Variants in DCAF6 observed in about 807,000 individuals in gnomAD.
The protein encoded by DCAF6 is DDB1 and CUL4 associated factor 6.
In DCAF6, 54 loss-of-function variants were observed where a neutral mutation model predicts 125.1. That is an observed-to-expected ratio of 0.43 (90% CI 0.35 to 0.54). The LOEUF is 0.54. Among genes scored for constraint, DCAF6 ranks in the 20% least tolerant of loss-of-function variants. The probability of loss-of-function intolerance (pLI) is 0.01; values close to 1 mark genes in which losing one functional copy is unlikely to be tolerated. For synonymous variants in DCAF6, 371 were observed against 390.4 expected (o/e 0.95, Z 0.58); for missense variants, 934 against 1,161.7 (o/e 0.80, Z 2.85).
intron 13 of DCAF6, among the ~76,000 whole-genome samples, chr1:168,040,178 A>C (rs904529600): frequency 1.3e-5 from 2 of 151,984 alleles, no homozygotes; most frequent in Non-Finnish European, 2.9e-5. Context: ...ATTTATATCT[A>C]GGGGAAGAGC....
At chr1:167,927,690 G>T in the DCAF6 span, among the ~76,000 whole-genome samples, 2 of 147,378 alleles carry the variant, frequency 1.4e-5, no homozygotes, top group African/African-American at 2.6e-5. Context: ...GTTAATAGTC[G>T]ATCTTTTCAG....
At chr1:168,063,105 G>T (rs1017114505) in intron 17 of DCAF6, among the ~76,000 whole-genome samples, 1 of 151,686 alleles carries the variant, frequency 6.6e-6, no homozygotes, top group African/African-American at 2.4e-5. Context: ...TAGAGATGGG[G>T]TTTCATTATT....
At chr1:167,894,767 T>G in the DCAF6 span, among the ~76,000 whole-genome samples, 1 of 152,082 alleles carries the variant, frequency 6.6e-6, no homozygotes, top group Non-Finnish European at 1.5e-5. Context: ...ATCCCCAGAT[T>G]TGTAGGTAGT....
intron 7 of DCAF6, among the ~76,000 whole-genome samples, chr1:167,999,951 A>G (rs761631491): frequency 3.3e-5 from 5 of 152,156 alleles, no homozygotes; most frequent in African/African-American, 4.8e-5. Flanking sequence ...CAAGAGGCCT[A>G]GCTTTTGGCC....
At chr1:168,039,920 G>T (rs912344154) in intron 13 of DCAF6, among the ~76,000 whole-genome samples, 1 of 151,504 alleles carries the variant, frequency 6.6e-6, no homozygotes, top group Non-Finnish European at 1.5e-5. Flanking sequence ...TCTATGTTCC[G>T]GGGACTATTC....
chr1:167,948,178 C>G (rs1210344978), intron 1 of DCAF6, among the ~76,000 whole-genome samples: 8 of 147,316 alleles, frequency 5.4e-5, no homozygotes, highest in Non-Finnish European at 9.0e-5. Flanking sequence ...TTTTCTCTTG[C>G]CATTTTTAGG....
chr1:168,033,060 A>T (rs1006556780), intron 12 of DCAF6, among the ~76,000 whole-genome samples: 14 of 152,030 alleles, frequency 9.2e-5, no homozygotes, highest in African/African-American at 3.1e-4. Flanking sequence ...GTCTTTGAGC[A>T]TCTTTTAGAA....
chr1:167,969,057 T>C (rs1676900970), intron 3 of DCAF6: 1 of 152,172 alleles, frequency 6.6e-6, no homozygotes, highest in African/African-American at 2.4e-5. Context: ...TTGGTTTTTT[T>C]TTACCATTCT....
At chr1:167,919,295 C>G in the DCAF6 span, among the ~76,000 whole-genome samples, 1 of 152,158 alleles carries the variant, frequency 6.6e-6, no homozygotes, top group Non-Finnish European at 1.5e-5. Flanking sequence ...TCTACCATAC[C>G]TTGGGCTTCA....
chr1:168,046,463 G>C lies in DCAF6; in HGVS notation c.2258+1236G>C, dbSNP rs76803782. ...GAACTGCCTTTTCTTAACTATGAAAGGGTATGTTTCTTTCTTTAGTCATAT... is the reference window on the plus strand; with the variant it reads ...GAACTGCCTTTTCTTAACTATGAAACGGTATGTTTCTTTCTTTAGTCATAT... On this transcript the variant is annotated intron_variant, in intron 16 of 21. Transcript: ENST00000367840. 4.8e-3 allele frequency among the ~76,000 whole-genome samples: 734 copies of C among 152,234 alleles called. 7 individuals are homozygous for C. Among genetic ancestry groups the C allele is most frequent in the African/African-American group, 0.017 (704 of 41,564 alleles).
intron 17 of DCAF6, among the ~76,000 whole-genome samples, chr1:168,054,562 C>T (rs1234530466): frequency 6.6e-6 from 1 of 152,134 alleles, no homozygotes; most frequent in Non-Finnish European, 1.5e-5. Flanking sequence ...TTACTATAAA[C>T]CAAGTGTGTG....
intron 11 of DCAF6, among the ~76,000 whole-genome samples, chr1:168,020,505 TG>T (rs1685544328): frequency 6.6e-6 from 1 of 152,188 alleles, no homozygotes; most frequent in Admixed American, 6.5e-5. Context: ...AGTGAGCTTT[TG>T]CTTAAAGTGT....
At chr1:167,883,149 T>C in the DCAF6 span, among the ~76,000 whole-genome samples, 4 of 152,258 alleles carry the variant, frequency 2.6e-5, no homozygotes, top group African/African-American at 9.6e-5. Context: ...GCCATTGTCC[T>C]GCCTCAGCCT....
chr1:168,053,941 C>T (rs1310103745), intron 17 of DCAF6, among the ~76,000 whole-genome samples: 1 of 152,164 alleles, frequency 6.6e-6, no homozygotes, highest in Non-Finnish European at 1.5e-5. Context: ...AGCATCAGAC[C>T]TGCTATCCCT....
At chr1:167,921,927 C>T in the DCAF6 span, among the ~76,000 whole-genome samples, 1 of 151,850 alleles carries the variant, frequency 6.6e-6, no homozygotes, top group African/African-American at 2.4e-5. Flanking sequence ...TAGGATTATC[C>T]ACTTTGACCT....
chr1:168,072,123 C>T (rs1035812697), intron 21 of DCAF6, among the ~76,000 whole-genome samples: 1 of 151,472 alleles, frequency 6.6e-6, no homozygotes, highest in African/African-American at 2.4e-5. Flanking sequence ...TGGTGAAATC[C>T]CATCTGTACT....
At chr1:167,888,234 G>C in the DCAF6 span, among the ~76,000 whole-genome samples, 1 of 152,000 alleles carries the variant, frequency 6.6e-6, no homozygotes, top group Non-Finnish European at 1.5e-5. Context: ...TATTCTTTTT[G>C]CTTCAGATAG....
At chr1:167,925,442 C>CATATATATATATATATATAT in the DCAF6 span, among the ~76,000 whole-genome samples, 14 of 82,456 alleles carry the variant, frequency 1.7e-4, no homozygotes, top group Non-Finnish European at 2.5e-4. Flanking sequence ...TACATATACA[C>CATATATATATATATATATAT]ATATATATAT....
intron 19 of DCAF6, 49 bp downstream of exon 19, chr1:168,065,795 A>C (rs776354760): frequency 4.6e-6 from 7 of 1,512,050 alleles, no homozygotes; most frequent in Non-Finnish European, 6.3e-6. Flanking sequence ...TGTATGACTC[A>C]TCAGTCATAC....
Sources: allele counts gnomAD v4.1 joint callset (sites outside exome capture counted in the v4.1 genomes callset), GRCh38; gene constraint gnomAD v4.1.1; transcripts MANE v1.5; gene names NCBI Gene and HGNC (gene_info 2026-07-23, HGNC 2026-07-21).